SLC9A2: variants seen among roughly 807,000 people sequenced by gnomAD.
SLC9A2 encodes the protein solute carrier family 9 member A2.
SLC9A2 carries 42 observed loss-of-function variants against 71.7 expected under a neutral mutation model. The ratio of observed to expected loss-of-function variants is 0.59; its 90% confidence interval spans 0.46 to 0.76. The LOEUF is 0.76. Among genes scored for constraint, SLC9A2 ranks in the 30% least tolerant of loss-of-function variants. SLC9A2 has a pLI of 0.00. For synonymous variants in SLC9A2, 396 were observed against 392.5 expected (o/e 1.01, Z -0.10); for missense variants, 829 against 1,017.4 (o/e 0.81, Z 2.52).
intron 5 of SLC9A2, among the ~76,000 whole-genome samples, chr2:102,689,372 A>C (rs909484308): frequency 1.3e-5 from 2 of 152,184 alleles, no homozygotes; most frequent in Non-Finnish European, 2.9e-5. Flanking sequence ...AAGGCCTGAC[A>C]TTCTTGGCAT....
At chr2:102,654,420 T>C (rs1201199223) in intron 1 of SLC9A2, among the ~76,000 whole-genome samples, 5 of 152,168 alleles carry the variant, frequency 3.3e-5, no homozygotes, top group African/African-American at 9.7e-5. Flanking sequence ...CCACAAATTA[T>C]TGGAGCCTTT....
chr2:102,691,228 T>C (rs1026159070), intron 5 of SLC9A2, among the ~76,000 whole-genome samples: 1 of 152,230 alleles, frequency 6.6e-6, no homozygotes, highest in African/African-American at 2.4e-5. Flanking sequence ...AATGAACTGG[T>C]GAAAATTTAA....
chr2:102,632,825 G>T (rs1416262059), intron 1 of SLC9A2, among the ~76,000 whole-genome samples: 1 of 152,106 alleles, frequency 6.6e-6, no homozygotes, highest in Non-Finnish European at 1.5e-5. Flanking sequence ...GCTCTGTCTG[G>T]GAAACACTCT....
chr2:102,708,521 A>C lies in SLC9A2; in HGVS notation c.*32A>C. ...CAGCGAAAGCAGATCTGAGTGTCTG[A>C]CCCAGGACAGCTGTGGTTTGTCACT... On this transcript the variant is annotated 3_prime_UTR_variant, in exon 12 of 12. Transcript: ENST00000233969. The C allele has an allele frequency of 6.3e-7, 1 of 1,591,340 alleles. No homozygotes were observed. Among genetic ancestry groups the C allele is most frequent in the Non-Finnish European group, 8.6e-7 (1 of 1,168,704 alleles).
At chr2:102,674,118 A>C (rs1012147564) in intron 3 of SLC9A2, among the ~76,000 whole-genome samples, 1 of 152,168 alleles carries the variant, frequency 6.6e-6, no homozygotes, top group African/African-American at 2.4e-5. Context: ...AAATATTTTT[A>C]GAAAAACTGA....
At chr2:102,635,568 C>A (rs935135278) in intron 1 of SLC9A2, among the ~76,000 whole-genome samples, 2 of 152,230 alleles carry the variant, frequency 1.3e-5, no homozygotes, top group Admixed American at 1.3e-4. Flanking sequence ...GCTGTTCACT[C>A]GCTGTCCATC....
At chr2:102,627,130 T>TAACAACAAC (rs112963978) in intron 1 of SLC9A2, among the ~76,000 whole-genome samples, 49 of 124,138 alleles carry the variant, frequency 3.9e-4, no homozygotes, top group African/African-American at 1.3e-3. Context: ...TTCAAAATGT[T>TAACAACAAC]AACAACAACA....
At chr2:102,623,766 A>G (rs1289561883) in intron 1 of SLC9A2, among the ~76,000 whole-genome samples, 1 of 152,104 alleles carries the variant, frequency 6.6e-6, no homozygotes, top group Non-Finnish European at 1.5e-5. Flanking sequence ...ACCTGACCTT[A>G]CCTGCCTCAG....
intron 1 of SLC9A2, among the ~76,000 whole-genome samples, chr2:102,637,631 A>C (rs981224553): frequency 1.3e-5 from 2 of 152,200 alleles, no homozygotes; most frequent in Non-Finnish European, 2.9e-5. Context: ...TACCTGCAGA[A>C]GTGAACTTCA....
intron 1 of SLC9A2, among the ~76,000 whole-genome samples, chr2:102,648,245 A>G (rs1676764129): frequency 1.3e-5 from 2 of 152,198 alleles, no homozygotes; most frequent in South Asian, 2.1e-4. Context: ...CAAAAACCAC[A>G]TGATTATCTA....
At chr2:102,623,585 T>A (rs996364422) in intron 1 of SLC9A2, among the ~76,000 whole-genome samples, 3 of 152,152 alleles carry the variant, frequency 2.0e-5, no homozygotes, top group Non-Finnish European at 4.4e-5. Flanking sequence ...CAACTTTTGT[T>A]CTGAAAAAGC....
intron 5 of SLC9A2, among the ~76,000 whole-genome samples, chr2:102,690,144 G>T (rs533143538): frequency 6.6e-6 from 1 of 152,250 alleles, no homozygotes; most frequent in East Asian, 1.9e-4. Flanking sequence ...ATCAAGAAAA[G>T]GTTGAGGAAT....
chr2:102,620,232 C>A, intron 1 of SLC9A2, 95 bp downstream of exon 1: 1 of 1,070,612 alleles, frequency 9.3e-7, no homozygotes, highest in Non-Finnish European at 1.3e-6. Context: ...TAGATAGTGA[C>A]CGCCTCATCT....
At chr2:102,622,329 A>AGG (rs1676156574) in intron 1 of SLC9A2, among the ~76,000 whole-genome samples, 1 of 151,656 alleles carries the variant, frequency 6.6e-6, no homozygotes, top group African/African-American at 2.4e-5. Context: ...GTTCCCTGTC[A>AGG]CTCTCTCTGA....
intron 2 of SLC9A2, 64 bp downstream of exon 2, chr2:102,658,091 C>T (rs2104520343): frequency 8.0e-7 from 1 of 1,251,216 alleles, no homozygotes; most frequent in Middle Eastern, 2.3e-4. Flanking sequence ...TGCAGTGGCT[C>T]TCTGCACCTC....
intron 1 of SLC9A2, among the ~76,000 whole-genome samples, chr2:102,647,555 GA>G (rs1676751070): frequency 6.6e-6 from 1 of 152,060 alleles, no homozygotes; most frequent in Non-Finnish European, 1.5e-5. Context: ...AGTGAATCCA[GA>G]AACTGGTTTT....
At chr2:102,621,352 G>GAAAAA (rs768118079) in intron 1 of SLC9A2, among the ~76,000 whole-genome samples, 17 of 109,534 alleles carry the variant, frequency 1.6e-4, no homozygotes, top group South Asian at 9.5e-4. Flanking sequence ...TTGTCTCAGG[G>GAAAAA]AAAAAAAAAA....
At chr2:102,694,334 T>G (rs540634288) in intron 5 of SLC9A2, 80 bp from the exon 6 acceptor site, 1 of 426,206 alleles carries the variant, frequency 2.3e-6, no homozygotes, top group East Asian at 5.2e-5. Flanking sequence ...TATAAAAAAT[T>G]TATATTAAAA....
chr2:102,663,995 G>C (rs1478259116), intron 2 of SLC9A2, among the ~76,000 whole-genome samples: 1 of 152,132 alleles, frequency 6.6e-6, no homozygotes, highest in Non-Finnish European at 1.5e-5. Context: ...TAAACAACAG[G>C]CTGGGCGTGG....
Sources: gnomAD v4.1 joint callset for allele counts (sites outside exome capture counted in the v4.1 genomes callset) on GRCh38, gnomAD v4.1.1 for gene constraint, MANE v1.5 for transcripts, NCBI Gene and HGNC (gene_info 2026-07-23, HGNC 2026-07-21) for gene names.